The following PTPRE variants were observed in gnomAD, a reference collection of about 807,000 sequenced individuals.
PTPRE encodes the protein receptor-type tyrosine-protein phosphatase epsilon.
A neutral mutation model predicts 102.0 loss-of-function variants in PTPRE; 51 were observed. The observed-to-expected ratio is 0.50, with a 90% CI of 0.40 to 0.63. PTPRE has a LOEUF of 0.63. Among genes scored for constraint, PTPRE ranks in the 30% least tolerant of loss-of-function variants. PTPRE has a pLI of 0.00. For missense variants in PTPRE, 752 were observed against 915.1 expected (o/e 0.82, Z 2.30); for synonymous variants, 345 against 348.2 (o/e 0.99, Z 0.10).
intron 2 of PTPRE, among the ~76,000 whole-genome samples, chr10:128,009,333 G>T (rs570810498): frequency 2.6e-5 from 4 of 152,324 alleles, no homozygotes; most frequent in Non-Finnish European, 2.9e-5. Context: ...CCAGAAAAGG[G>T]TAAAACATCA....
intron 2 of PTPRE, among the ~76,000 whole-genome samples, chr10:127,988,071 A>G (rs746283050): frequency 2.6e-5 from 4 of 152,266 alleles, no homozygotes; most frequent in African/African-American, 4.8e-5. Context: ...CAAGAAATGT[A>G]TAAATGCTTT....
chr10:128,070,918 G>T lies in PTPRE; in HGVS notation c.1387+17G>T, dbSNP rs377092721. On this transcript the variant is annotated intron_variant, in intron 15 of 20. Transcript: ENST00000254667. This position sits in a 1 kb window ranked among gnomAD's most constrained non-coding sequence, Gnocchi z 4.8. ...TCATCCCGTGTAAGGCACCCGTGGCGTGGCTTGGGCAGGGCTGGGGCGGGG... is the reference window on the plus strand; with the variant it reads ...TCATCCCGTGTAAGGCACCCGTGGCTTGGCTTGGGCAGGGCTGGGGCGGGG... The T allele has an allele frequency of 6.5e-5, 104 of 1,607,180 alleles. No homozygotes were observed. The Middle Eastern group carries it at 2.7e-3, about 41-fold the overall frequency.
intron 1 of PTPRE, among the ~76,000 whole-genome samples, chr10:127,918,482 C>T (rs1201562748): frequency 6.6e-6 from 1 of 151,302 alleles, no homozygotes; most frequent in Non-Finnish European, 1.5e-5. Context: ...TGGCATGAAC[C>T]CGGGAGGCGG....
At chr10:128,064,139 C>A (rs1476062565) in intron 10 of PTPRE, among the ~76,000 whole-genome samples, 1 of 152,236 alleles carries the variant, frequency 6.6e-6, no homozygotes, top group East Asian at 1.9e-4. Flanking sequence ...GATGGGAGTA[C>A]CAGGCCTTGG....
In PTPRE at chr10:128,052,470, A is replaced by G. The variant is rs557820114; in HGVS notation, c.420+2804A>G. 5.9e-5 allele frequency among the ~76,000 whole-genome samples: 9 copies of G among 152,194 alleles called. No homozygotes were observed. In the East Asian group the frequency reaches 1.4e-3, roughly 23 times the overall value. ...TTAACCTCTGCCTGTTTCCTCATCT[A>G]TGAAATGAGGATACTCCCTGCCCCC... On this transcript the variant is annotated intron_variant, in intron 6 of 20. Coordinates refer to ENST00000254667, the MANE Select transcript of PTPRE (RefSeq NM_006504.6).
intron 1 of PTPRE, among the ~76,000 whole-genome samples, chr10:127,913,085 G>C (rs1229436923): frequency 6.6e-6 from 1 of 152,228 alleles, no homozygotes; most frequent in Non-Finnish European, 1.5e-5. Context: ...CCCTGGCCCA[G>C]TGTGAGCCCA....
chr10:128,054,052 A>C (rs1025992774), intron 6 of PTPRE, among the ~76,000 whole-genome samples: 80 of 152,092 alleles, frequency 5.3e-4, no homozygotes, highest in African/African-American at 1.9e-3. Context: ...GAGTCACCAC[A>C]CCTGGCCTAA....
Position 128,059,032 on chromosome 10 carries a change from A to G in PTPRE, c.512-1907A>G, listed in dbSNP as rs181347710. Among the ~76,000 whole-genome samples, 14 of 152,354 alleles carry G rather than the reference A, an allele frequency of 9.2e-5. No individual in the cohort carries two copies. The East Asian group carries it at 2.5e-3, about 27-fold the overall frequency. On this transcript the variant is annotated intron_variant, in intron 7 of 20. Coordinates refer to ENST00000254667, the MANE Select transcript of PTPRE (RefSeq NM_006504.6). The stretch of plus-strand genomic sequence containing the variant: ...AAAAGTGCCAACAGCTGATAATTTT[A>G]GGAAATAATGTTTTGAATGTGAAGT...
intron 1 of PTPRE, among the ~76,000 whole-genome samples, chr10:127,969,026 A>G (rs1320734853): frequency 1.3e-5 from 2 of 152,256 alleles, no homozygotes; most frequent in African/African-American, 4.8e-5. Context: ...TAAATGATTC[A>G]GTCAGGGTTT....
chr10:127,949,399 G>T (rs545811274), intron 1 of PTPRE, among the ~76,000 whole-genome samples: 1 of 152,244 alleles, frequency 6.6e-6, no homozygotes, highest in Admixed American at 6.5e-5. Context: ...TGGAGTTTCT[G>T]GAATTGGCTC....
chr10:127,981,337 T>C (rs117923868), intron 1 of PTPRE, among the ~76,000 whole-genome samples: 6,576 of 152,220 alleles, frequency 0.043, 227 homozygotes, highest in Admixed American at 0.091. Flanking sequence ...AGTGAGCTAA[T>C]AGTGGGTGTG....
chr10:127,957,218 G>T (rs1849467325), intron 1 of PTPRE, among the ~76,000 whole-genome samples: 2 of 152,096 alleles, frequency 1.3e-5, no homozygotes, highest in East Asian at 1.9e-4. Flanking sequence ...TTACATTTAG[G>T]TCTATGATCT....
intron 1 of PTPRE, among the ~76,000 whole-genome samples, chr10:127,969,737 C>T (rs150920454): frequency 2.8e-4 from 43 of 151,852 alleles, no homozygotes; most frequent in African/African-American, 1.0e-3. Context: ...TGTCATATCA[C>T]ACGTAAAGGA....
chr10:128,070,924 T>G lies in PTPRE; in HGVS notation c.1387+23T>G, dbSNP rs867395992. On this transcript the variant is annotated intron_variant, in intron 15 of 20. Coordinates refer to ENST00000254667, the MANE Select transcript of PTPRE (RefSeq NM_006504.6). The surrounding 1 kb of genome is among the most constrained non-coding windows in gnomAD (Gnocchi z 4.8). ...CGTGTAAGGCACCCGTGGCGTGGCT[T>G]GGGCAGGGCTGGGGCGGGGCTGGTG... is the stretch of plus-strand genomic sequence containing the variant. The G allele has an allele frequency of 2.5e-6, 4 of 1,597,312 alleles. No individual in the cohort carries two copies. The African/African-American group carries it at 4.0e-5, about 16-fold the overall frequency.
At chr10:128,037,001 T>G (rs567648807) in intron 2 of PTPRE, among the ~76,000 whole-genome samples, 2 of 152,304 alleles carry the variant, frequency 1.3e-5, no homozygotes, top group South Asian at 4.1e-4. Context: ...GGCTCATGAC[T>G]CGTAGCCAAG....
chr10:128,039,520 G>A (rs1388736515), intron 2 of PTPRE, among the ~76,000 whole-genome samples: 1 of 152,198 alleles, frequency 6.6e-6, no homozygotes, highest in African/African-American at 2.4e-5. Context: ...TGCCACCATC[G>A]TCGTTGTTCT....
In PTPRE at chr10:128,047,807, A is replaced by C; in HGVS notation, c.253A>C (p.Lys85Gln). The C allele has an allele frequency of 6.2e-7, 1 of 1,604,980 alleles. No homozygotes were observed. The highest frequency in any genetic ancestry group is 8.5e-7 in the Non-Finnish European group (1 of 1,172,744). The change falls in exon 5 of 21, where the codon AAG becomes CAG. Residue 85 changes from lysine to glutamine, a missense_variant. Physicochemically the swap from Lys to Gln is moderately conservative, Grantham distance 53. Around this residue, in one of 2 missense-constraint regions of PTPRE, gnomAD observed 636 missense variants for 824.4 expected, o/e 0.77. Transcript: ENST00000254667. The stretch of plus-strand genomic sequence containing the variant: ...AGCTGTGGTCAGCACCAGCGACAAG[A>C]AGATGCCCAACGGAATCTTGGAGGA... ...RKAVVSTSDK[K>Q]MPNGILEEQE...
chr10:127,955,710 T>TA (rs1849351700), intron 1 of PTPRE, among the ~76,000 whole-genome samples: 1 of 152,162 alleles, frequency 6.6e-6, no homozygotes, highest in Non-Finnish European at 1.5e-5. Context: ...CACACTACTG[T>TA]AAAAAACTAC....
chr10:128,023,138 C>T (rs1846040493), intron 2 of PTPRE, among the ~76,000 whole-genome samples: 1 of 152,104 alleles, frequency 6.6e-6, no homozygotes, highest in South Asian at 2.1e-4. Flanking sequence ...ATTCACGTGA[C>T]TTCCATGACA....
Sources: allele counts gnomAD v4.1 joint callset (sites outside exome capture counted in the v4.1 genomes callset), GRCh38; gene constraint gnomAD v4.1.1; regional missense constraint gnomAD v4.1.1; non-coding constraint Gnocchi (gnomAD v3.1); transcripts MANE v1.5; gene names NCBI Gene and HGNC (gene_info 2026-07-23, HGNC 2026-07-21).